PLEKHM3: variants seen among roughly 807,000 people sequenced by gnomAD.
The protein encoded by PLEKHM3 is pleckstrin homology domain-containing family M member 3.
PLEKHM3 carries 45 observed loss-of-function variants against 81.8 expected under a neutral mutation model. The ratio of observed to expected loss-of-function variants is 0.55; its 90% CI spans 0.43 to 0.71. The LOEUF (loss-of-function observed/expected upper bound fraction) is 0.71. PLEKHM3 is among the 30% of genes least tolerant of loss of function. The pLI is 0.00. For missense variants in PLEKHM3, 788 were observed against 924.3 expected (o/e 0.85, Z 1.91); for synonymous variants, 352 against 356.4 (o/e 0.99, Z 0.14).
chr2:207,853,591 A>ATG, intron 7 of PLEKHM3, among the ~76,000 whole-genome samples: 1 of 144,642 alleles, frequency 6.9e-6, no homozygotes, highest in East Asian at 2.2e-4. Context: ...AAAATTAGCC[A>ATG]GGTGTGGTGG....
At chr2:207,878,129 G>A (rs1248377761) in intron 6 of PLEKHM3, among the ~76,000 whole-genome samples, 1 of 152,056 alleles carries the variant, frequency 6.6e-6, no homozygotes, top group Non-Finnish European at 1.5e-5. Context: ...TTGGAGATAA[G>A]GTCTCCCTAT....
Position 208,001,921 on chromosome 2 carries a change from T to C in PLEKHM3, c.-282A>G. 1 of 411,148 alleles carries C rather than the reference T, an allele frequency of 2.4e-6. No homozygotes were observed. The allele number at this position is 411,148 out of a possible 1,614,324, so 25.5% of individuals were successfully genotyped here. On this transcript the variant is annotated 5_prime_UTR_variant, in exon 2 of 8. Transcript: ENST00000427836. ...AGACCTCTGTGAAGACAACAGCAAG[T>C]ACTTGTCAAAGCAATGCCACGCCAA...
At chr2:207,842,226 G>A (rs1210393081) in intron 7 of PLEKHM3, among the ~76,000 whole-genome samples, 9 of 152,182 alleles carry the variant, frequency 5.9e-5, no homozygotes, top group Non-Finnish European at 8.8e-5. Flanking sequence ...GAGCCACCGC[G>A]CCTGGCCCCC....
chr2:207,868,136 G>A (rs1478921112), intron 6 of PLEKHM3, among the ~76,000 whole-genome samples: 4 of 152,138 alleles, frequency 2.6e-5, no homozygotes, highest in East Asian at 1.9e-4. Flanking sequence ...AGGGCTCAGC[G>A]TGGGGAAAAG....
chr2:208,018,452 G>GAACT (rs1288622668), intron 1 of PLEKHM3, among the ~76,000 whole-genome samples: 1 of 149,934 alleles, frequency 6.7e-6, no homozygotes. Flanking sequence ...ATGCGACAGA[G>GAACT]AACTCATCTT....
intron 6 of PLEKHM3, among the ~76,000 whole-genome samples, chr2:207,871,158 C>T (rs1019089960): frequency 2.6e-5 from 4 of 152,140 alleles, no homozygotes; most frequent in African/African-American, 9.7e-5. Context: ...ATTCCTATTT[C>T]AAAAAGTTGT....
intron 4 of PLEKHM3, among the ~76,000 whole-genome samples, chr2:207,939,955 T>C (rs1357150376): frequency 6.6e-6 from 1 of 152,158 alleles, no homozygotes; most frequent in South Asian, 2.1e-4. Flanking sequence ...ATGTCTCCCA[T>C]ATCTGGCAGT....
chr2:207,868,412 C>A (rs2092514262), intron 6 of PLEKHM3, among the ~76,000 whole-genome samples: 1 of 152,118 alleles, frequency 6.6e-6, no homozygotes, highest in Non-Finnish European at 1.5e-5. Flanking sequence ...CCCATCATAA[C>A]TCAGTTGTCT....
intron 4 of PLEKHM3, among the ~76,000 whole-genome samples, chr2:207,945,317 C>T (rs138279982): frequency 6.8e-4 from 103 of 152,292 alleles, no homozygotes; most frequent in African/African-American, 2.3e-3. Flanking sequence ...CCTCTATTGA[C>T]CTGCATTTTG....
chr2:207,980,628 G>A (rs913920940), intron 2 of PLEKHM3, among the ~76,000 whole-genome samples: 2 of 151,942 alleles, frequency 1.3e-5, no homozygotes, highest in African/African-American at 4.8e-5. Context: ...GAGTGCAATG[G>A]CGTTATCATG....
rs1691349813 is a variant in PLEKHM3, at chr2:207,977,280, A to G, written c.917T>C (p.Val306Ala). 6.2e-7 allele frequency: 1 copy of G among 1,614,030 alleles called. No homozygotes were observed. Among genetic ancestry groups the G allele is most frequent in the Non-Finnish European group, 8.5e-7 (1 of 1,180,042 alleles). ...ALDWGQKLWE[V>A]VHAAVPGYMG... Reference sequence around the variant, plus strand: ...GTAACCGGGCACAGCAGCATGCACTACTTCCCAAAGCTTCTGTCCCCAGTC... The same window carrying G: ...GTAACCGGGCACAGCAGCATGCACTGCTTCCCAAAGCTTCTGTCCCCAGTC... Residue 306 changes from valine to alanine, a missense_variant, in exon 3 of 8, where the codon GTA becomes GCA. Transcript: ENST00000427836.
chr2:207,849,974 A>G (rs2092403821), intron 7 of PLEKHM3, among the ~76,000 whole-genome samples: 1 of 152,178 alleles, frequency 6.6e-6, no homozygotes, highest in African/African-American at 2.4e-5. Flanking sequence ...GAGGTCTAGG[A>G]AACATGGCAC....
chr2:208,004,975 G>A (rs2167674), intron 1 of PLEKHM3, among the ~76,000 whole-genome samples: 70,509 of 151,770 alleles, frequency 0.46, 19,787 homozygotes, highest in Non-Finnish European at 0.61. Flanking sequence ...AAAGGCGCCC[G>A]CCACCACGCC....
chr2:207,849,082 T>C (rs574778099), intron 7 of PLEKHM3, among the ~76,000 whole-genome samples: 1 of 152,240 alleles, frequency 6.6e-6, no homozygotes, highest in East Asian at 1.9e-4. Context: ...GCCTGTAATC[T>C]TGGCACTTTT....
chr2:208,023,204 C>T (rs1442045881), intron 1 of PLEKHM3, among the ~76,000 whole-genome samples: 6 of 150,888 alleles, frequency 4.0e-5, no homozygotes, highest in African/African-American at 1.5e-4. Flanking sequence ...GTGTGCGTGG[C>T]GTAATCATAC....
intron 5 of PLEKHM3, among the ~76,000 whole-genome samples, chr2:207,918,167 T>TATTTAC (rs1426458821): frequency 1.3e-5 from 2 of 152,184 alleles, no homozygotes; most frequent in Non-Finnish European, 2.9e-5. Flanking sequence ...TTTAGACAAA[T>TATTTAC]ATTTACCAGC....
chr2:207,925,701 A>T (rs189236464), intron 5 of PLEKHM3, among the ~76,000 whole-genome samples: 1 of 152,172 alleles, frequency 6.6e-6, no homozygotes, highest in African/African-American at 2.4e-5. Context: ...ACCCAGCTCT[A>T]ATCTTCAGCT....
rs375784415 is a variant in PLEKHM3, at chr2:207,864,819, T to C, written c.1951-3557A>G. ...ATCTGTATAATATTCAGTCTTCCTT[T>C]AAAACAATGTGATACATATCTCCAT... On this transcript the variant is annotated intron_variant, in intron 6 of 7. Coordinates refer to ENST00000427836, the MANE Select transcript of PLEKHM3 (RefSeq NM_001080475.3). Among the ~76,000 whole-genome samples, 7 of 152,344 alleles carry C rather than the reference T, an allele frequency of 4.6e-5. No homozygotes were observed. The East Asian group carries it at 1.3e-3, about 29-fold the overall frequency.
chr2:207,840,258 C>T (rs2092342688), intron 7 of PLEKHM3, among the ~76,000 whole-genome samples: 2 of 152,026 alleles, frequency 1.3e-5, no homozygotes, highest in South Asian at 4.1e-4. Context: ...GATCATAGTT[C>T]ACTGCAGCCT....
Sources: gnomAD v4.1 joint callset for allele counts (sites outside exome capture counted in the v4.1 genomes callset) on GRCh38, gnomAD v4.1.1 for gene constraint, MANE v1.5 for transcripts, NCBI Gene and HGNC (gene_info 2026-07-23, HGNC 2026-07-21) for gene names.